The following FHDC1 variants were observed in gnomAD, a reference collection of about 807,000 sequenced individuals.
FHDC1 encodes FH2 domain containing 1, also known as FH2 domain-containing protein 1.
FHDC1 carries 25 observed loss-of-function variants against 52.6 expected under a neutral mutation model. That is an observed-to-expected ratio of 0.48 (90% CI 0.35 to 0.66). The LOEUF is 0.66. Among genes scored for constraint, FHDC1 ranks in the 30% least tolerant of loss-of-function variants. The probability of loss-of-function intolerance (pLI) is 0.01; values close to 1 mark genes in which losing one functional copy is unlikely to be tolerated. For synonymous variants in FHDC1, 616 were observed against 581.5 expected, an observed-to-expected ratio of 1.06 and a Z score of -0.85; for missense variants, 1,459 against 1,452.8, an observed-to-expected ratio of 1.00 and a Z score of -0.07.
At position 152,976,637 on chromosome 4, in the gene FHDC1, A is replaced by C; in HGVS notation, c.3346A>C (p.Arg1116=). ...SANTEAPLKA[R]GAGERASLRR... is the part of the protein sequence containing the mutation. ...CAACACGGAGGCCCCTCTGAAGGCC[A>C]GAGGGGCTGGGGAAAGGGCCTCCCT... is the stretch of plus-strand genomic sequence containing the variant. The change falls in exon 12 of 12, where the codon AGA becomes CGA. Residue 1116 remains arginine, a synonymous_variant. Coordinates refer to ENST00000511601, the MANE Select transcript of FHDC1 (RefSeq NM_001371116.1). The C allele has an allele frequency of 6.2e-7, 1 of 1,603,374 alleles. No homozygotes were observed. The highest frequency in any genetic ancestry group is 8.5e-7 in the Non-Finnish European group (1 of 1,174,666).
the FHDC1 span, chr4:152,928,033 T>C: frequency 6.9e-7 from 1 of 1,449,778 alleles, no homozygotes; most frequent in Non-Finnish European, 9.7e-7. Flanking sequence ...CCTCCCTGAG[T>C]GGCTCCTCCA....
intron 1 of FHDC1, among the ~76,000 whole-genome samples, chr4:152,939,605 C>T (rs908522): frequency 0.67 from 101,453 of 152,030 alleles, 34,122 homozygotes; most frequent in Admixed American, 0.73. Context: ...ACAGCATCGC[C>T]TTATTGAAAT....
At chr4:152,953,704 G>C (rs1739995524) in intron 3 of FHDC1, 144 bp downstream of exon 3, 2 of 714,780 alleles carry the variant, frequency 2.8e-6, no homozygotes, top group South Asian at 3.5e-5. Flanking sequence ...GCAAGTGACT[G>C]TCACTTTCTG....
At position 152,974,868 on chromosome 4, in the gene FHDC1, C is replaced by T. The variant is rs1449813981; in HGVS notation, c.1577C>T (p.Pro526Leu). Residue 526 changes from proline (P) to leucine (L), a missense_variant, in exon 12 of 12, where the codon CCC (proline) becomes CTC (leucine). Physicochemically the swap from Pro to Leu is moderately conservative, Grantham distance 98. Transcript: ENST00000511601. Reference protein sequence around the residue: ...LPFLHPRPISPSSPSYRPPNT... With the variant: ...LPFLHPRPISLSSPSYRPPNT... ...TTCCTGCACCCCAGGCCCATCAGCC[C>T]CTCCAGCCCCTCCTACCGGCCCCCG... The T allele has an allele frequency of 1.2e-6, 2 of 1,606,730 alleles. No homozygotes were observed. Among genetic ancestry groups the T allele is most frequent in the Non-Finnish European group, 1.7e-6 (2 of 1,176,960 alleles).
chr4:152,974,942 C>T lies in FHDC1; in HGVS notation c.1651C>T (p.Leu551=). ...LSLGPSADRE[L]LTFLESSTGS... ...CCTGGGTCCCTCTGCTGACCGGGAG[C>T]TGCTGACCTTCTTGGAGAGCTCCAC... Residue 551 remains leucine (L), a synonymous_variant, in exon 12 of 12, where the codon CTG becomes TTG. Coordinates refer to ENST00000511601, the MANE Select transcript of FHDC1 (RefSeq NM_001371116.1). 2 of 1,612,578 alleles carry T rather than the reference C, an allele frequency of 1.2e-6. No homozygotes were observed. The highest frequency in any genetic ancestry group is 8.5e-7 in the Non-Finnish European group (1 of 1,179,894).
the FHDC1 span, among the ~76,000 whole-genome samples, chr4:152,925,469 A>G: frequency 1.3e-5 from 2 of 152,330 alleles, no homozygotes; most frequent in East Asian, 3.9e-4. Flanking sequence ...CAGATAGCTA[A>G]ATTTACATCT....
At chr4:152,927,866 T>A in the FHDC1 span, 1 of 1,405,738 alleles carries the variant, frequency 7.1e-7, no homozygotes, top group Non-Finnish European at 1.0e-6. Flanking sequence ...TGTGAAGCCC[T>A]TAGAAACCAA....
At chr4:152,920,023 C>T in the FHDC1 span, among the ~76,000 whole-genome samples, 2 of 140,080 alleles carry the variant, frequency 1.4e-5, no homozygotes, top group Admixed American at 8.0e-5. Context: ...TCTTGGCTCA[C>T]TGCAGCCTCT....
chr4:152,965,474 C>G (rs1740429488), intron 9 of FHDC1, among the ~76,000 whole-genome samples: 1 of 152,228 alleles, frequency 6.6e-6, no homozygotes. Context: ...GAGAAAGTAT[C>G]TGCCAAACAT....
the FHDC1 span, among the ~76,000 whole-genome samples, chr4:152,917,764 G>A: frequency 1.4e-4 from 21 of 152,244 alleles, no homozygotes; most frequent in African/African-American, 4.1e-4. Context: ...TTCATTCGCC[G>A]CCTGATTCCA....
chr4:152,960,776 A>G lies in FHDC1; in HGVS notation c.782A>G (p.Lys261Arg). Residue 261 changes from lysine (K) to arginine (R), a missense_variant, in exon 6 of 12, where the codon AAG (lysine) becomes AGG (arginine). Lys to Arg is a conservative substitution (Grantham distance 26, BLOSUM62 2). Coordinates refer to ENST00000511601, the MANE Select transcript of FHDC1 (RefSeq NM_001371116.1). ...CTTCGGATTGAAGCCATGGTGCTAAAGAAGGAATTTCTACCTTCTTGCTCT... is the reference window on the plus strand; with the variant it reads ...CTTCGGATTGAAGCCATGGTGCTAAGGAAGGAATTTCTACCTTCTTGCTCT... ...YSLRIEAMVL[K>R]KEFLPSCSSL... 6.2e-7 allele frequency: 1 copy of G among 1,613,284 alleles called. No homozygotes were observed. Among genetic ancestry groups the G allele is most frequent in the Admixed American group, 1.7e-5 (1 of 59,908 alleles).
chr4:152,945,466 T>A (rs1739701928), intron 2 of FHDC1, among the ~76,000 whole-genome samples: 1 of 152,204 alleles, frequency 6.6e-6, no homozygotes, highest in African/African-American at 2.4e-5. Context: ...AAAAAGTATT[T>A]ATTTTTTTGA....
intron 10 of FHDC1, among the ~76,000 whole-genome samples, chr4:152,968,619 C>A (rs1239952356): frequency 6.6e-6 from 1 of 152,250 alleles, no homozygotes; most frequent in South Asian, 2.1e-4. Flanking sequence ...TGTGAGCCAC[C>A]GCGCCCAGCC....
In FHDC1 at chr4:152,943,102, TG is replaced by T; in HGVS notation, c.48del (p.Asn17IlefsTer9). 6.2e-7 allele frequency: 1 copy of T among 1,613,906 alleles called. No homozygotes were observed. Among genetic ancestry groups the T allele is most frequent in the Non-Finnish European group, 8.5e-7 (1 of 1,179,914 alleles). On this transcript the variant is annotated frameshift_variant, in exon 2 of 12. Coordinates refer to ENST00000511601, the MANE Select transcript of FHDC1 (RefSeq NM_001371116.1). LOFTEE classifies it high-confidence loss of function. ...CVSLVSDKEN[G>X]NIATAPGFMI... ...TCTCCTTGGTCAGTGATAAAGAAAA[TG>T]GGAATATTGCCACAGCACCTGGATT...
rs767725606 is a variant in FHDC1 at position 152,960,594 on chromosome 4, C to T, written c.693C>T (p.Asp231=). The T allele has an allele frequency of 1.7e-5, 28 of 1,613,958 alleles. No individual in the cohort carries two copies. In the East Asian group the frequency reaches 1.8e-4, roughly 10 times the overall value. The change falls in exon 5 of 12, where the codon GAC becomes GAT. Residue 231 remains aspartate (D), a synonymous_variant. Coordinates refer to ENST00000511601, the MANE Select transcript of FHDC1 (RefSeq NM_001371116.1). The part of the protein sequence containing the change: ...EVKKLKAFSG[D]VSKLSLADSF... ...AGAAGTTAAAAGCGTTTAGTGGCGA[C>T]GTGTCGAAGCTGTCTCTGGCAGATT...
chr4:152,932,103 G>C (rs1477937973), upstream of FHDC1, among the ~76,000 whole-genome samples: 1 of 151,978 alleles, frequency 6.6e-6, no homozygotes, highest in East Asian at 1.9e-4. Context: ...TGAAGTATTG[G>C]CTGGGTGTGG....
At chr4:152,973,132 T>C (rs1740694560) in intron 11 of FHDC1, among the ~76,000 whole-genome samples, 1 of 152,180 alleles carries the variant, frequency 6.6e-6, no homozygotes. Flanking sequence ...ATTCCAGTCA[T>C]CTCTGGGTTT....
intron 11 of FHDC1, among the ~76,000 whole-genome samples, chr4:152,973,127 A>G (rs1013486726): frequency 2.0e-4 from 30 of 152,162 alleles, no homozygotes; most frequent in African/African-American, 6.8e-4. Flanking sequence ...CACCAATTCC[A>G]GTCATCTCTG....
intron 2 of FHDC1, among the ~76,000 whole-genome samples, chr4:152,951,079 G>A (rs564165681): frequency 6.6e-6 from 1 of 152,286 alleles, no homozygotes; most frequent in Admixed American, 6.5e-5. Flanking sequence ...CTTGGTTCAC[G>A]TGGGGTGTGG....
Sources: gnomAD v4.1 joint callset for allele counts (sites outside exome capture counted in the v4.1 genomes callset) on GRCh38, gnomAD v4.1.1 for gene constraint, MANE v1.5 for transcripts, NCBI Gene and HGNC (gene_info 2026-07-23, HGNC 2026-07-21) for gene names.